The following CELF2 variants were observed in gnomAD, a reference collection of about 807,000 sequenced individuals.
The protein encoded by CELF2 is CUG triplet repeat RNA-binding protein 2.
CELF2 carries 8 observed loss-of-function variants against 62.6 expected under a neutral mutation model. The observed-to-expected ratio is 0.13, with a 90% CI of 0.07 to 0.23. The LOEUF is 0.23. CELF2 is among the 10% of genes least tolerant of loss of function. The pLI is 1.00. For missense variants in CELF2, 333 were observed against 671.0 expected (o/e 0.50, Z 5.56); for synonymous variants, 258 against 250.0 (o/e 1.03, Z -0.30).
the CELF2 span, among the ~76,000 whole-genome samples, chr10:10,669,928 G>GTTT: frequency 9.3e-6 from 1 of 107,986 alleles, no homozygotes; most frequent in African/African-American, 3.6e-5. Flanking sequence ...TTGAGACGGA[G>GTTT]TTTTGCTCTT....
chr10:11,066,731 G>A (rs2068273990), intron 1 of CELF2, among the ~76,000 whole-genome samples: 1 of 152,054 alleles, frequency 6.6e-6, no homozygotes, highest in South Asian at 2.1e-4. Context: ...GAGGAGGAGT[G>A]GTTGCTGCTT....
intron 1 of CELF2, among the ~76,000 whole-genome samples, chr10:11,096,700 C>T (rs1236980974): frequency 6.6e-6 from 1 of 152,094 alleles, no homozygotes; most frequent in African/African-American, 2.4e-5. Context: ...CAAACAAAAA[C>T]CTTGGCTCAG....
rs137943961 is a variant in CELF2, at chr10:11,301,633, C to A, written c.977-12506C>A. ...AGCTCCCACCTGTGCAGAGTGGCGG[C>A]CTGGGAGCTGAGCGTGGCCCTCGGC... On this transcript the variant is annotated intron_variant, in intron 9 of 12. Coordinates refer to ENST00000633077, the MANE Select transcript of CELF2 (RefSeq NM_001326342.2). Among the ~76,000 whole-genome samples the A allele has an allele frequency of 8.3e-3, 1,241 of 149,004 alleles. 19 individuals are homozygous for A. Among genetic ancestry groups the A allele is most frequent in the African/African-American group, 0.029 (1,170 of 40,220 alleles).
intron 1 of CELF2, among the ~76,000 whole-genome samples, chr10:10,888,253 A>G (rs912359700): frequency 5.3e-5 from 8 of 152,212 alleles, no homozygotes; most frequent in African/African-American, 1.9e-4. Flanking sequence ...GAACATAGAC[A>G]TTCCTTCTAG....
chr10:10,572,822 C>T, the CELF2 span, among the ~76,000 whole-genome samples: 14 of 152,068 alleles, frequency 9.2e-5, no homozygotes, highest in Admixed American at 2.6e-4. Context: ...AATGAACATA[C>T]GTGTACATGT....
At position 11,246,086 on chromosome 10, in the gene CELF2, G is replaced by A. The variant is rs574854990; in HGVS notation, c.355-3067G>A. ...TAGGGGCTCTGTTTTTGCTGCTCCC[G>A]AATTTCCACCTGCCATCATCCACGC... is the stretch of plus-strand genomic sequence containing the variant. On this transcript the variant is annotated intron_variant, in intron 3 of 12. Transcript: ENST00000633077. This position sits in a 1 kb window ranked among gnomAD's most constrained non-coding sequence, Gnocchi z 4.6. Among the ~76,000 whole-genome samples the A allele has an allele frequency of 4.9e-4, 75 of 152,194 alleles. No individual in the cohort carries two copies. Among genetic ancestry groups the A allele is most frequent in the Non-Finnish European group, 9.1e-4 (62 of 68,004 alleles).
the CELF2 span, among the ~76,000 whole-genome samples, chr10:10,639,940 C>T: frequency 6.6e-6 from 1 of 152,134 alleles, no homozygotes; most frequent in Admixed American, 6.5e-5. Context: ...GAGGAGGTCA[C>T]ACCTTCCTGT....
chr10:10,996,774 T>G (rs1161829650), intron 2 of CELF2, among the ~76,000 whole-genome samples: 1 of 152,214 alleles, frequency 6.6e-6, no homozygotes, highest in African/African-American at 2.4e-5. Flanking sequence ...CATTTTTTTT[T>G]GTTGCCCTCA....
chr10:11,288,368 G>T, intron 8 of CELF2, 50 bp from the exon 9 acceptor site: 1 of 1,604,872 alleles, frequency 6.2e-7, no homozygotes, highest in Non-Finnish European at 8.5e-7. Flanking sequence ...TTTGGAAACT[G>T]TAGAAGTGTG....
In CELF2 at chr10:11,333,376, C is replaced by T. The variant is rs1255497444; in HGVS notation, c.*4323C>T. 3 of 152,526 alleles carry T rather than the reference C, an allele frequency of 2.0e-5. No homozygotes were observed. The highest frequency in any genetic ancestry group is 4.8e-5 in the African/African-American group (2 of 41,392). 9.4% of individuals were successfully genotyped at this position (152,526 alleles called of 1,614,324 possible). A position where few individuals can be genotyped will look rare whatever the true frequency, so the allele number is the denominator to read the frequency against. ...ACACAGGGAAACCGCTTTTTTTAAT[C>T]AATTGTAGAGAATAGTCATTTTTAA... On this transcript the variant is annotated 3_prime_UTR_variant, in exon 13 of 13. Coordinates refer to ENST00000633077, the MANE Select transcript of CELF2 (RefSeq NM_001326342.2).
intron 2 of CELF2, among the ~76,000 whole-genome samples, chr10:10,949,475 A>G (rs2048063144): frequency 6.6e-6 from 1 of 152,012 alleles, no homozygotes; most frequent in Non-Finnish European, 1.5e-5. Flanking sequence ...GGAATGCATT[A>G]AGTTTTGTTT....
chr10:11,182,315 C>T (rs898617307), intron 2 of CELF2, among the ~76,000 whole-genome samples: 5 of 152,316 alleles, frequency 3.3e-5, no homozygotes, highest in African/African-American at 9.6e-5. Context: ...TCCTAGATCC[C>T]GTAGTGCACA....
At chr10:10,980,602 T>C (rs768457347) in intron 2 of CELF2, among the ~76,000 whole-genome samples, 4 of 152,108 alleles carry the variant, frequency 2.6e-5, no homozygotes, top group Non-Finnish European at 5.9e-5. Context: ...GTCTCAGGAG[T>C]CTTTGCACCT....
At chr10:10,575,886 A>G in the CELF2 span, among the ~76,000 whole-genome samples, 2 of 152,234 alleles carry the variant, frequency 1.3e-5, no homozygotes, top group Non-Finnish European at 2.9e-5. Context: ...AGATCACAGT[A>G]GAGGAATCCT....
In CELF2 at chr10:11,191,701, G is replaced by A. The variant is rs1293095802; in HGVS notation, c.272-25724G>A. The stretch of plus-strand genomic sequence containing the variant: ...CAGAAGATGAGGCTTATTCCCAGTC[G>A]GCAGACTGGACTTCTTCATAAGTGA... On this transcript the variant is annotated intron_variant, in intron 2 of 12. Transcript: ENST00000633077. This position sits in a 1 kb window ranked among gnomAD's most constrained non-coding sequence, Gnocchi z 4.1. Among the ~76,000 whole-genome samples the A allele has an allele frequency of 2.6e-5, 4 of 152,110 alleles. No homozygotes were observed. Among genetic ancestry groups the A allele is most frequent in the Non-Finnish European group, 5.9e-5 (4 of 68,000 alleles).
intron 1 of CELF2, among the ~76,000 whole-genome samples, chr10:11,095,139 T>C (rs139698178): frequency 1.1e-3 from 162 of 152,322 alleles, no homozygotes; most frequent in African/African-American, 3.7e-3. Flanking sequence ...CTGGCCTTGA[T>C]GCGTGGCCCC....
the CELF2 span, among the ~76,000 whole-genome samples, chr10:10,581,377 G>T: frequency 6.6e-6 from 1 of 152,148 alleles, no homozygotes; most frequent in Non-Finnish European, 1.5e-5. Flanking sequence ...TTTCAAGAGG[G>T]TATCTTTATG....
At chr10:10,629,459 T>C in the CELF2 span, among the ~76,000 whole-genome samples, 20 of 152,226 alleles carry the variant, frequency 1.3e-4, no homozygotes, top group African/African-American at 4.3e-4. Flanking sequence ...TGGGGTCTTA[T>C]ATTCTATAGA....
the CELF2 span, among the ~76,000 whole-genome samples, chr10:10,635,412 T>C: frequency 6.6e-6 from 1 of 152,234 alleles, no homozygotes; most frequent in South Asian, 2.1e-4. Flanking sequence ...AGTTTATCAA[T>C]TATTTTTCTA....
Sources: allele counts gnomAD v4.1 joint callset (sites outside exome capture counted in the v4.1 genomes callset), GRCh38; gene constraint gnomAD v4.1.1; non-coding constraint Gnocchi (gnomAD v3.1); transcripts MANE v1.5; gene names NCBI Gene and HGNC (gene_info 2026-07-23, HGNC 2026-07-21).